KIAA1217: variants seen among roughly 807,000 people sequenced by gnomAD.
KIAA1217 encodes KIAA1217.
A neutral mutation model predicts 163.9 loss-of-function variants in KIAA1217; 88 were observed. That is an observed-to-expected ratio of 0.54 (90% CI 0.45 to 0.64). The LOEUF is 0.64. Ranked by LOEUF, KIAA1217 falls within the 30% of genes least tolerant of loss-of-function variation. The pLI is 0.00. For synonymous variants in KIAA1217, 903 were observed against 923.1 expected (o/e 0.98, Z 0.39); for missense variants, 2,372 against 2,475.0 (o/e 0.96, Z 0.88).
intron 2 of KIAA1217, among the ~76,000 whole-genome samples, chr10:24,065,355 T>C (rs1295414605): frequency 6.6e-6 from 1 of 152,184 alleles, no homozygotes; most frequent in Non-Finnish European, 1.5e-5. Context: ...TTTGTTCTCG[T>C]TGGTTTCAAA....
intron 1 of KIAA1217, among the ~76,000 whole-genome samples, chr10:23,744,015 T>G (rs1839266065): frequency 6.6e-6 from 1 of 152,050 alleles, no homozygotes. Context: ...GAAGGAGAGA[T>G]AGTTTTCTAG....
intron 1 of KIAA1217, among the ~76,000 whole-genome samples, chr10:23,761,501 T>C (rs1018478202): frequency 6.6e-6 from 1 of 152,218 alleles, no homozygotes; most frequent in Non-Finnish European, 1.5e-5. Context: ...TCTGCCTTAA[T>C]TTCATTATTA....
intron 1 of KIAA1217, among the ~76,000 whole-genome samples, chr10:23,806,706 T>A (rs545278457): frequency 2.0e-5 from 3 of 152,368 alleles, no homozygotes; most frequent in African/African-American, 7.2e-5. Context: ...CTTGACTCTT[T>A]TGAATGAGTT....
At chr10:24,199,950 T>G (rs1258366676) in intron 2 of KIAA1217, among the ~76,000 whole-genome samples, 1 of 151,804 alleles carries the variant, frequency 6.6e-6, no homozygotes, top group African/African-American at 2.4e-5. Context: ...ATTTATATAT[T>G]TATATACATA....
intron 1 of KIAA1217, among the ~76,000 whole-genome samples, chr10:23,860,055 G>A (rs1274660165): frequency 6.6e-6 from 1 of 152,082 alleles, no homozygotes; most frequent in Non-Finnish European, 1.5e-5. Flanking sequence ...GAGCGAGCAG[G>A]AATATTGATG....
At chr10:24,362,530 G>T (rs915454270) in intron 2 of KIAA1217, among the ~76,000 whole-genome samples, 10 of 152,200 alleles carry the variant, frequency 6.6e-5, no homozygotes, top group Non-Finnish European at 1.5e-5. Flanking sequence ...ATGCTGGATG[G>T]CTCAGTGATT....
intron 3 of KIAA1217, among the ~76,000 whole-genome samples, chr10:24,431,512 AG>A (rs1264942572): frequency 6.6e-6 from 1 of 152,132 alleles, no homozygotes; most frequent in Non-Finnish European, 1.5e-5. Context: ...ACCACTCCCA[AG>A]ACGGCTCATC....
intron 2 of KIAA1217, among the ~76,000 whole-genome samples, chr10:24,095,344 C>T (rs886572487): frequency 2.6e-5 from 4 of 152,148 alleles, no homozygotes; most frequent in African/African-American, 7.2e-5. Context: ...TGCTGGGAGC[C>T]GTAGACCGGA....
intron 2 of KIAA1217, among the ~76,000 whole-genome samples, chr10:24,026,742 A>ATTTTTTTTTTTTTTTTTTTTTTTGT: frequency 1.4e-5 from 1 of 70,094 alleles, no homozygotes; most frequent in African/African-American, 5.9e-5. Flanking sequence ...TATTTCATTG[A>ATTTTTTTTTTTTTTTTTTTTTTTGT]TTTTTTTTTT....
At chr10:24,085,092 T>C (rs1360114367) in intron 2 of KIAA1217, among the ~76,000 whole-genome samples, 3 of 151,974 alleles carry the variant, frequency 2.0e-5, no homozygotes, top group Admixed American at 2.0e-4. Flanking sequence ...TTTTTTGTAT[T>C]TTTAGTAGAG....
chr10:23,924,136 A>G (rs1368627435), intron 1 of KIAA1217, among the ~76,000 whole-genome samples: 1 of 146,518 alleles, frequency 6.8e-6, no homozygotes, highest in Admixed American at 6.8e-5. Context: ...GTGATACTGT[A>G]TTTTTCCCCA....
chr10:23,743,435 G>C (rs1335084118), intron 1 of KIAA1217, among the ~76,000 whole-genome samples: 1 of 152,116 alleles, frequency 6.6e-6, no homozygotes, highest in Non-Finnish European at 1.5e-5. Flanking sequence ...GATTTCACAT[G>C]TGCCACTTCT....
At chr10:24,208,749 T>C (rs7069263), upstream of KIAA1217, 93,027 of 154,826 alleles carry the variant, frequency 0.6, 30,175 homozygotes, top group African/African-American at 0.87. Context: ...GCGAAGGCTC[T>C]CGGCCTTAAT....
intron 2 of KIAA1217, among the ~76,000 whole-genome samples, chr10:24,349,946 G>A (rs945018155): frequency 2.0e-5 from 3 of 152,284 alleles, no homozygotes; most frequent in African/African-American, 7.2e-5. Context: ...GGGGAATGAC[G>A]TTGGATGGAG....
chr10:24,360,893 A>T (rs1039202566), intron 2 of KIAA1217, among the ~76,000 whole-genome samples: 5 of 118,030 alleles, frequency 4.2e-5, no homozygotes, highest in African/African-American at 2.0e-4. Flanking sequence ...TTTCAATGCT[A>T]AGTGGTTTTT....
Position 24,310,007 on chromosome 10 carries a change from A to C in KIAA1217, c.355-70862A>C, listed in dbSNP as rs893564421. Among the ~76,000 whole-genome samples, 4 of 152,248 alleles carry C rather than the reference A, an allele frequency of 2.6e-5. 1 individual carries two copies. The highest frequency in any genetic ancestry group is 9.6e-5 in the African/African-American group (4 of 41,472). On this transcript the variant is annotated intron_variant, in intron 2 of 20. Transcript: ENST00000376454. ...TTCCCAAAGGAAAATTATGGCAAAG[A>C]GATCATGTCCTAACTAGTTTCTCAC...
At chr10:24,044,403 G>T (rs1848839799) in intron 2 of KIAA1217, among the ~76,000 whole-genome samples, 1 of 152,054 alleles carries the variant, frequency 6.6e-6, no homozygotes, top group Non-Finnish European at 1.5e-5. Context: ...TATTTCATTT[G>T]GTCCACAAGG....
At chr10:24,122,701 T>G (rs933042727) in intron 2 of KIAA1217, among the ~76,000 whole-genome samples, 9 of 152,244 alleles carry the variant, frequency 5.9e-5, no homozygotes, top group Non-Finnish European at 1.0e-4. Context: ...TTTATGAAAC[T>G]TCACTAATCA....
At chr10:23,866,837 C>T (rs562982588) in intron 1 of KIAA1217, among the ~76,000 whole-genome samples, 1 of 151,898 alleles carries the variant, frequency 6.6e-6, no homozygotes, top group Non-Finnish European at 1.5e-5. Flanking sequence ...TTTCTTTTTT[C>T]TTTTTCTTTT....
Sources: allele counts gnomAD v4.1 joint callset (sites outside exome capture counted in the v4.1 genomes callset), GRCh38; gene constraint gnomAD v4.1.1; transcripts MANE v1.5; gene names NCBI Gene and HGNC (gene_info 2026-07-23, HGNC 2026-07-21).